The following MGAT4C variants were observed in gnomAD, a reference collection of about 807,000 sequenced individuals.
MGAT4C encodes alpha-1,3-mannosyl-glycoprotein 4-beta-N-acetylglucosaminyltransferase C.
MGAT4C carries 19 observed loss-of-function variants against 40.1 expected under a neutral mutation model. The observed-to-expected ratio is 0.47, with a 90% CI of 0.33 to 0.70. The LOEUF is 0.70. Ranked by LOEUF, MGAT4C falls within the 30% of genes least tolerant of loss-of-function variation. The pLI, the probability that MGAT4C is intolerant of heterozygous loss-of-function variation, is 0.02. For missense variants in MGAT4C, 491 were observed against 563.2 expected (o/e 0.87, Z 1.30); for synonymous variants, 181 against 187.1 (o/e 0.97, Z 0.27).
At chr12:85,986,477 C>CT (rs1354280454) in intron 3 of MGAT4C, among the ~76,000 whole-genome samples, 9 of 152,284 alleles carry the variant, frequency 5.9e-5, no homozygotes, top group African/African-American at 2.2e-4. Context: ...TCCTTTTTCA[C>CT]TTAAAGGCAC....
At chr12:86,819,955 A>C (rs931823438) in intron 1 of MGAT4C, among the ~76,000 whole-genome samples, 1 of 150,792 alleles carries the variant, frequency 6.6e-6, no homozygotes, top group African/African-American at 2.4e-5. Flanking sequence ...CAAACAAAAA[A>C]CATTATTTAA....
At chr12:86,639,628 T>C (rs1261331054) in intron 2 of MGAT4C, among the ~76,000 whole-genome samples, 5 of 151,734 alleles carry the variant, frequency 3.3e-5, no homozygotes, top group Non-Finnish European at 4.4e-5. Context: ...ATGCCTATAT[T>C]AGTTGAAGTT....
intron 1 of MGAT4C, among the ~76,000 whole-genome samples, chr12:86,064,225 T>C (rs2137012953): frequency 6.6e-6 from 1 of 152,022 alleles, no homozygotes; most frequent in South Asian, 2.1e-4. Context: ...GCAATCAAAT[T>C]AGAACTCAGG....
intron 2 of MGAT4C, among the ~76,000 whole-genome samples, chr12:86,019,058 G>T (rs1035276420): frequency 6.6e-6 from 1 of 151,946 alleles, no homozygotes; most frequent in Non-Finnish European, 1.5e-5. Flanking sequence ...AAAGGGCCTG[G>T]TTAGAATAGA....
intron 2 of MGAT4C, among the ~76,000 whole-genome samples, chr12:86,615,890 G>A (rs1962431536): frequency 6.6e-6 from 1 of 152,032 alleles, no homozygotes; most frequent in Non-Finnish European, 1.5e-5. Flanking sequence ...GAGAATCAAT[G>A]AATGATGAAA....
chr12:86,700,065 T>TAGATAGATAGATAGATA lies in MGAT4C; in HGVS notation c.-229+27143_-229+27144insTATCTATCTATCTATCT, dbSNP rs1025301785. Among the ~76,000 whole-genome samples the TAGATAGATAGATAGATA allele has an allele frequency of 1.2e-3, 32 of 27,706 alleles. 1 individual carries two copies. Among genetic ancestry groups the TAGATAGATAGATAGATA allele is most frequent in the Admixed American group, 4.5e-3 (12 of 2,688 alleles). 18.2% of individuals were successfully genotyped at this position (27,706 alleles called of 152,430 possible). On this transcript the variant is annotated intron_variant, in intron 2 of 7. Transcript: ENST00000548651. ...ATAGATAGATAGATAGATAGATAGA[T>TAGATAGATAGATAGATA]AAGATAGATAGATAATGTAGATAGA...
intron 1 of MGAT4C, among the ~76,000 whole-genome samples, chr12:86,223,557 G>C (rs541519145): frequency 2.0e-5 from 3 of 152,106 alleles, no homozygotes; most frequent in African/African-American, 7.2e-5. Flanking sequence ...AGGCAGGCCC[G>C]CGGTGTACCC....
intron 1 of MGAT4C, among the ~76,000 whole-genome samples, chr12:86,093,070 C>A (rs1254736221): frequency 1.3e-5 from 2 of 152,026 alleles, no homozygotes; most frequent in East Asian, 3.9e-4. Context: ...GTGCCAATCA[C>A]CCTCTTAACC....
At chr12:86,578,215 C>T (rs921931161) in intron 2 of MGAT4C, among the ~76,000 whole-genome samples, 2 of 151,734 alleles carry the variant, frequency 1.3e-5, no homozygotes, top group African/African-American at 2.4e-5. Context: ...CAGAATTGCT[C>T]TCACAGGCCC....
At chr12:86,195,967 A>C (rs1184641580) in intron 1 of MGAT4C, among the ~76,000 whole-genome samples, 6 of 152,202 alleles carry the variant, frequency 3.9e-5, no homozygotes, top group Non-Finnish European at 1.5e-5. Flanking sequence ...TGTATATAGA[A>C]ATATATAAAC....
rs369620443 is a variant in MGAT4C, at chr12:86,194,602, C to T, written c.-57+61637G>A. ...CCCTAGTAGCTGGGATTACAGGTGC[C>T]TGGCACCATGCCCAACTAATTTTTT... On this transcript the variant is annotated intron_variant, in intron 1 of 4. Transcript: ENST00000611864. Among the ~76,000 whole-genome samples, 3 of 151,626 alleles carry T rather than the reference C, an allele frequency of 2.0e-5. No individual in the cohort carries two copies. The South Asian group carries it at 6.2e-4, about 31-fold the overall frequency.
chr12:86,659,962 T>G (rs552181208), intron 2 of MGAT4C, among the ~76,000 whole-genome samples: 1 of 151,510 alleles, frequency 6.6e-6, no homozygotes, highest in South Asian at 2.1e-4. Context: ...CATTAGCATG[T>G]CAGAACGAGG....
At chr12:86,518,918 C>A (rs1431054814) in intron 2 of MGAT4C, among the ~76,000 whole-genome samples, 1 of 151,928 alleles carries the variant, frequency 6.6e-6, no homozygotes, top group Admixed American at 6.6e-5. Context: ...AAATAGTGTG[C>A]CACTGAAAAG....
chr12:86,682,893 C>T (rs1950007278), intron 2 of MGAT4C, among the ~76,000 whole-genome samples: 1 of 152,162 alleles, frequency 6.6e-6, no homozygotes, highest in Non-Finnish European at 1.5e-5. Flanking sequence ...ACAACACTAT[C>T]ACCATCTCCT....
intron 1 of MGAT4C, among the ~76,000 whole-genome samples, chr12:86,099,298 T>C (rs1465728567): frequency 6.6e-6 from 1 of 151,476 alleles, no homozygotes; most frequent in Admixed American, 6.6e-5. Flanking sequence ...TCTTTTCTTC[T>C]GAGAATTGTT....
chr12:86,143,026 G>A (rs1883049173), intron 1 of MGAT4C, among the ~76,000 whole-genome samples: 2 of 152,144 alleles, frequency 1.3e-5, no homozygotes. Context: ...CTGCCAAACA[G>A]CGATTGTCTA....
chr12:86,575,945 CCAA>C (rs1226423725), intron 2 of MGAT4C, among the ~76,000 whole-genome samples: 2 of 151,768 alleles, frequency 1.3e-5, no homozygotes, highest in African/African-American at 2.4e-5. Flanking sequence ...TACATTCCCA[CCAA>C]CAACGTACAA....
At chr12:85,988,713 A>G (rs535030689) in intron 3 of MGAT4C, among the ~76,000 whole-genome samples, 2 of 151,958 alleles carry the variant, frequency 1.3e-5, no homozygotes, top group Non-Finnish European at 2.9e-5. Flanking sequence ...AAACTAACAT[A>G]TTAATTTTTC....
intron 2 of MGAT4C, among the ~76,000 whole-genome samples, chr12:86,550,184 T>C (rs1959279159): frequency 6.6e-6 from 1 of 152,202 alleles, no homozygotes; most frequent in African/African-American, 2.4e-5. Context: ...GCCATGATCG[T>C]AAGTTTCCTG....
Sources: gnomAD v4.1 joint callset for allele counts (sites outside exome capture counted in the v4.1 genomes callset) on GRCh38, gnomAD v4.1.1 for gene constraint, MANE v1.5 for transcripts, NCBI Gene and HGNC (gene_info 2026-07-23, HGNC 2026-07-21) for gene names.